NLGN1: variants seen among roughly 807,000 people sequenced by gnomAD.
The protein encoded by NLGN1 is neuroligin-1.
A neutral mutation model predicts 65.5 loss-of-function variants in NLGN1; 12 were observed. That is an observed-to-expected ratio of 0.18 (90% CI 0.12 to 0.30). The LOEUF is 0.30. Ranked by LOEUF, NLGN1 falls within the 10% of genes least tolerant of loss-of-function variation. NLGN1 has a pLI of 1.00. For missense variants in NLGN1, 750 were observed against 1,007.1 expected, an observed-to-expected ratio of 0.74 and a Z score of 3.46; for synonymous variants, 350 against 359.5, an observed-to-expected ratio of 0.97 and a Z score of 0.30.
chr3:173,837,119 G>T (rs1016246528), intron 4 of NLGN1, among the ~76,000 whole-genome samples: 10 of 152,024 alleles, frequency 6.6e-5, no homozygotes, highest in African/African-American at 2.4e-4. Flanking sequence ...AAAATTGTAG[G>T]TTGAAGAAAC....
intron 4 of NLGN1, among the ~76,000 whole-genome samples, chr3:174,080,052 T>C (rs781632097): frequency 2.6e-5 from 4 of 152,158 alleles, no homozygotes; most frequent in Non-Finnish European, 4.4e-5. Flanking sequence ...ATAAAAAATA[T>C]TAAAAGATAA....
intron 4 of NLGN1, among the ~76,000 whole-genome samples, chr3:173,929,410 A>G (rs1243507830): frequency 1.3e-5 from 2 of 152,092 alleles, no homozygotes; most frequent in African/African-American, 2.4e-5. Context: ...CCTTAAAGAA[A>G]TTCAAAGGAT....
In NLGN1 at chr3:173,558,544, G is replaced by A. The variant is rs556895270; in HGVS notation, c.-320-45735G>A. The stretch of plus-strand genomic sequence containing the variant: ...TGCTTCAGTTTGAATAATTTTTATT[G>A]ACCCGTCTTCAAGTTTACTCATTCT... On this transcript the variant is annotated intron_variant, in intron 2 of 6. Transcript: ENST00000457714. Among the ~76,000 whole-genome samples, 3 of 151,846 alleles carry A rather than the reference G, an allele frequency of 2.0e-5. No individual in the cohort carries two copies. In the South Asian group the frequency reaches 6.2e-4, roughly 32 times the overall value.
At chr3:173,641,051 A>G (rs867325248) in intron 3 of NLGN1, among the ~76,000 whole-genome samples, 35 of 152,302 alleles carry the variant, frequency 2.3e-4, no homozygotes, top group Middle Eastern at 6.8e-3. Context: ...AGTATTTGAG[A>G]TATTTTAAGA....
intron 4 of NLGN1, among the ~76,000 whole-genome samples, chr3:173,877,909 G>A (rs1257217924): frequency 6.6e-6 from 1 of 152,090 alleles, no homozygotes; most frequent in Non-Finnish European, 1.5e-5. Flanking sequence ...CAGTAGAGCT[G>A]GGACTTCAAC....
intron 2 of NLGN1, among the ~76,000 whole-genome samples, chr3:173,481,790 G>A (rs900809581): frequency 7.2e-5 from 11 of 151,730 alleles, no homozygotes; most frequent in Non-Finnish European, 1.3e-4. Flanking sequence ...TATTATTCCA[G>A]TTTGCATTCT....
At chr3:173,517,208 C>T (rs969179763) in intron 2 of NLGN1, among the ~76,000 whole-genome samples, 1 of 151,986 alleles carries the variant, frequency 6.6e-6, no homozygotes, top group African/African-American at 2.4e-5. Flanking sequence ...TCTATCTCTT[C>T]CAGTATGAGT....
intron 4 of NLGN1, among the ~76,000 whole-genome samples, chr3:174,066,562 C>CTGTGTGTGTG (rs1401534201): frequency 1.2e-4 from 16 of 129,930 alleles, no homozygotes; most frequent in African/African-American, 5.1e-4. Context: ...CTCTCTCTCT[C>CTGTGTGTGTG]TCTGTGTGTG....
intron 4 of NLGN1, among the ~76,000 whole-genome samples, chr3:173,818,089 C>A (rs1250532028): frequency 2.0e-5 from 3 of 152,298 alleles, no homozygotes; most frequent in South Asian, 2.1e-4. Flanking sequence ...CCTTTTAACT[C>A]ATTCATTCAT....
intron 2 of NLGN1, among the ~76,000 whole-genome samples, chr3:173,522,644 AG>A (rs1195475992): frequency 6.6e-6 from 1 of 152,134 alleles, no homozygotes; most frequent in Admixed American, 6.5e-5. Context: ...CATGTTAGCC[AG>A]GATGGTCTCG....
At chr3:173,454,397 C>T (rs556197710) in intron 2 of NLGN1, among the ~76,000 whole-genome samples, 4 of 152,200 alleles carry the variant, frequency 2.6e-5, no homozygotes, top group African/African-American at 9.6e-5. Context: ...TTGACTTGTT[C>T]TTTCTAGCTA....
At chr3:174,226,777 G>T (rs1739796372) in intron 4 of NLGN1, among the ~76,000 whole-genome samples, 1 of 151,830 alleles carries the variant, frequency 6.6e-6, no homozygotes, top group South Asian at 2.1e-4. Context: ...ACTTGCTGAG[G>T]TGTTCCTTTG....
intron 4 of NLGN1, among the ~76,000 whole-genome samples, chr3:174,183,739 C>A (rs1336017271): frequency 1.3e-5 from 2 of 152,146 alleles, no homozygotes; most frequent in Non-Finnish European, 2.9e-5. Flanking sequence ...AAAAGTCCAA[C>A]CAAATTTTAG....
At chr3:173,665,928 G>C (rs1012227792) in intron 3 of NLGN1, among the ~76,000 whole-genome samples, 1 of 152,032 alleles carries the variant, frequency 6.6e-6, no homozygotes, top group Admixed American at 6.6e-5. Flanking sequence ...ATAACTTAGT[G>C]CTTCCAAAAT....
chr3:173,918,688 GTGTGTGTGTGTGTGTATATATA>G lies in NLGN1; in HGVS notation c.646+110858_646+110879del, dbSNP rs930390112. Among the ~76,000 whole-genome samples, 134 of 136,090 alleles carry G rather than the reference GTGTGTGTGTGTGTGTATATATA, an allele frequency of 9.8e-4. 2 individuals carry two copies. In the East Asian group the frequency reaches 0.025, roughly 26 times the overall value. 89.3% of individuals were successfully genotyped at this position (136,090 alleles called of 152,430 possible). ...TGTGTGTGTGTGTGTGTGTGTGTGT[GTGTGTGTGTGTGTGTATATATA>G]TATATTGCATAGAATGGTAACGTCT... On this transcript the variant is annotated intron_variant, in intron 4 of 6. Transcript: ENST00000457714.
At chr3:174,133,188 A>G (rs1380216227) in intron 4 of NLGN1, among the ~76,000 whole-genome samples, 4 of 152,230 alleles carry the variant, frequency 2.6e-5, no homozygotes, top group South Asian at 2.1e-4. Context: ...CAGTAACATT[A>G]CAGTGTGTAG....
At chr3:173,809,767 C>A (rs899163812) in intron 4 of NLGN1, among the ~76,000 whole-genome samples, 4 of 152,166 alleles carry the variant, frequency 2.6e-5, no homozygotes, top group African/African-American at 9.7e-5. Context: ...TGCCCATACC[C>A]CATTTTAAAT....
chr3:174,264,562 G>A (rs949642131), intron 4 of NLGN1, among the ~76,000 whole-genome samples: 5 of 148,326 alleles, frequency 3.4e-5, no homozygotes, highest in Admixed American at 1.4e-4. Flanking sequence ...CTCTGTATTG[G>A]TTATTCTAGT....
intron 1 of NLGN1, among the ~76,000 whole-genome samples, chr3:173,433,822 G>A (rs943786697): frequency 3.3e-5 from 5 of 152,116 alleles, no homozygotes; most frequent in Non-Finnish European, 7.4e-5. Context: ...CTTCTTGGTA[G>A]TTGAGAAGCT....
Sources: allele counts gnomAD v4.1 joint callset (sites outside exome capture counted in the v4.1 genomes callset), GRCh38; gene constraint gnomAD v4.1.1; transcripts MANE v1.5; gene names NCBI Gene and HGNC (gene_info 2026-07-23, HGNC 2026-07-21).